NRXN1: variants seen among roughly 807,000 people sequenced by gnomAD.
NRXN1 encodes the protein neurexin 1.
In NRXN1, 39 loss-of-function variants were observed where a neutral mutation model predicts 150.9. The ratio of observed to expected loss-of-function variants is 0.26; its 90% CI spans 0.20 to 0.34. The LOEUF is 0.34. Among genes scored for constraint, NRXN1 ranks in the 10% least tolerant of loss-of-function variants. NRXN1 has a pLI of 1.00. For missense variants in NRXN1, 1,815 were observed against 1,949.9 expected, an observed-to-expected ratio of 0.93 and a Z score of 1.30; for synonymous variants, 924 against 757.0, an observed-to-expected ratio of 1.22 and a Z score of -3.62.
chr2:50,275,698 C>A (rs1002404814), intron 17 of NRXN1, among the ~76,000 whole-genome samples: 7 of 152,188 alleles, frequency 4.6e-5, no homozygotes, highest in Non-Finnish European at 8.8e-5. Context: ...CATTACCAAT[C>A]AGTAGTTCAT....
rs999370559 is a variant in NRXN1, at chr2:50,546,221, T to C, written c.1759+6366A>G. Among the ~76,000 whole-genome samples, 6 of 152,170 alleles carry C rather than the reference T, an allele frequency of 3.9e-5. No individual in the cohort carries two copies. In the East Asian group the frequency reaches 5.8e-4, roughly 15 times the overall value. On this transcript the variant is annotated intron_variant, in intron 9 of 22. Transcript: ENST00000401669. ...TGAGATAAGGAAATGTATAGTAATA[T>C]TGGCCTGGGAAGGCTTGACACCCTT...
chr2:50,173,959 G>A (rs773718882), intron 18 of NRXN1, among the ~76,000 whole-genome samples: 19 of 152,020 alleles, frequency 1.2e-4, no homozygotes, highest in Non-Finnish European at 1.8e-4. Flanking sequence ...ACATGCATAT[G>A]CACTAAGTGT....
intron 17 of NRXN1, among the ~76,000 whole-genome samples, chr2:50,395,700 T>G (rs1306981087): frequency 6.6e-6 from 1 of 152,174 alleles, no homozygotes; most frequent in Non-Finnish European, 1.5e-5. Context: ...ACAAGCACTA[T>G]ATCATATAAG....
At chr2:50,830,487 A>C (rs1195686088) in intron 5 of NRXN1, among the ~76,000 whole-genome samples, 1 of 122,594 alleles carries the variant, frequency 8.2e-6, no homozygotes, top group Non-Finnish European at 1.9e-5. Flanking sequence ...TTTTTAAATG[A>C]AAAAAAAAAA....
chr2:50,878,470 C>T (rs556449447), intron 5 of NRXN1, among the ~76,000 whole-genome samples: 36 of 152,042 alleles, frequency 2.4e-4, no homozygotes, highest in Admixed American at 1.8e-3. Context: ...CATCTGAAGT[C>T]GCCTCCAGTT....
chr2:50,547,620 A>G (rs990713254), intron 9 of NRXN1: 4 of 152,180 alleles, frequency 2.6e-5, no homozygotes, highest in Admixed American at 1.3e-4. Flanking sequence ...CTCTTCAATC[A>G]TATTTATTAA....
chr2:50,297,575 C>T (rs1879339), intron 17 of NRXN1, among the ~76,000 whole-genome samples: 116,897 of 152,112 alleles, frequency 0.77, 45,085 homozygotes, highest in East Asian at 0.87. Flanking sequence ...CAGCTCTGCC[C>T]TATTTCAACG....
At chr2:50,215,187 A>T (rs1423968535) in intron 18 of NRXN1, among the ~76,000 whole-genome samples, 5 of 152,084 alleles carry the variant, frequency 3.3e-5, no homozygotes, top group African/African-American at 1.2e-4. Flanking sequence ...CCTCCATTCT[A>T]ATCCTACTCC....
chr2:50,366,828 A>C (rs1468359841), intron 17 of NRXN1, among the ~76,000 whole-genome samples: 1 of 151,968 alleles, frequency 6.6e-6, no homozygotes, highest in East Asian at 1.9e-4. Context: ...AGGAGCTTAA[A>C]TGTTTGAGGT....
intron 5 of NRXN1, chr2:50,632,641 G>C (rs1682544251): frequency 6.6e-6 from 1 of 151,972 alleles, no homozygotes; most frequent in African/African-American, 2.4e-5. Flanking sequence ...GATTCTTATA[G>C]TGCTGCAATT....
At chr2:50,933,332 C>T (rs1029702208) in intron 2 of NRXN1, among the ~76,000 whole-genome samples, 1 of 152,074 alleles carries the variant, frequency 6.6e-6, no homozygotes, top group African/African-American at 2.4e-5. Flanking sequence ...GAATTTGCCA[C>T]ATAAAATATA....
chr2:50,309,184 A>G (rs956085671), intron 17 of NRXN1, among the ~76,000 whole-genome samples: 2 of 152,202 alleles, frequency 1.3e-5, no homozygotes, highest in African/African-American at 4.8e-5. Context: ...TGGGTTGGTT[A>G]GCCCGGCCTC....
At chr2:50,721,055 A>G (rs1425758188) in intron 5 of NRXN1, among the ~76,000 whole-genome samples, 1 of 152,184 alleles carries the variant, frequency 6.6e-6, no homozygotes, top group African/African-American at 2.4e-5. Context: ...TTTATCCTGG[A>G]GCACTCAGAA....
intron 21 of NRXN1, among the ~76,000 whole-genome samples, chr2:49,949,367 TA>T (rs1452216842): frequency 6.6e-6 from 1 of 151,932 alleles, no homozygotes; most frequent in Non-Finnish European, 1.5e-5. Flanking sequence ...AAATATAGCT[TA>T]ACTGCATATC....
chr2:50,936,360 T>G (rs1370108289), intron 2 of NRXN1, among the ~76,000 whole-genome samples: 1 of 152,188 alleles, frequency 6.6e-6, no homozygotes, highest in Non-Finnish European at 1.5e-5. Context: ...ATCAGCATCC[T>G]GACTCAGTAC....
intron 15 of NRXN1, among the ~76,000 whole-genome samples, chr2:50,481,011 G>T (rs1013145015): frequency 6.6e-6 from 1 of 152,146 alleles, no homozygotes; most frequent in Non-Finnish European, 1.5e-5. Flanking sequence ...TGTTATATCT[G>T]GTTTTTGCCT....
At chr2:50,892,631 A>C (rs980129665) in intron 5 of NRXN1, among the ~76,000 whole-genome samples, 6 of 152,164 alleles carry the variant, frequency 3.9e-5, no homozygotes, top group African/African-American at 9.7e-5. Context: ...GGAATTCTTA[A>C]ACCATTGATA....
Position 50,559,954 on chromosome 2 carries a change from C to T in NRXN1, c.1321-6929G>A, listed in dbSNP as rs370282683. Among the ~76,000 whole-genome samples, 8 of 152,072 alleles carry T rather than the reference C, an allele frequency of 5.3e-5. No homozygotes were observed. In the East Asian group the frequency reaches 1.2e-3, roughly 22 times the overall value. On this transcript the variant is annotated intron_variant, in intron 8 of 22. Coordinates refer to ENST00000401669, the MANE Select transcript of NRXN1 (RefSeq NM_001330078.2). The stretch of plus-strand genomic sequence containing the variant: ...GCACATATAAAGTTGGTGCTTTCCA[C>T]AAAAAACAACTGTAGCCTCCAAAAA...
chr2:50,658,411 G>GTGTGTGTGTGTGTGTGTGTGT (rs143434552), intron 5 of NRXN1, among the ~76,000 whole-genome samples: 3 of 144,680 alleles, frequency 2.1e-5, no homozygotes, highest in African/African-American at 7.8e-5. Flanking sequence ...TGCATTCACT[G>GTGTGTGTGTGTGTGTGTGTGT]GTGTGTGTGT....
Sources: gnomAD v4.1 joint callset for allele counts (sites outside exome capture counted in the v4.1 genomes callset) on GRCh38, gnomAD v4.1.1 for gene constraint, MANE v1.5 for transcripts, NCBI Gene and HGNC (gene_info 2026-07-23, HGNC 2026-07-21) for gene names.